Variants in CAMTA1 observed in about 807,000 individuals in gnomAD.
CAMTA1 encodes the protein calmodulin binding transcription activator 1, also known as calmodulin-binding transcription activator 1.
In CAMTA1, 27 loss-of-function variants were observed where a neutral mutation model predicts 170.9. The observed-to-expected ratio is 0.16, with a 90% CI of 0.12 to 0.22. The LOEUF is 0.22. Among genes scored for constraint, CAMTA1 ranks in the 10% least tolerant of loss-of-function variants. The probability of loss-of-function intolerance (pLI) is 1.00; values close to 1 mark genes in which losing one functional copy is unlikely to be tolerated. For synonymous variants in CAMTA1, 833 were observed against 891.5 expected, an observed-to-expected ratio of 0.93 and a Z score of 1.17; for missense variants, 1,619 against 2,217.2, an observed-to-expected ratio of 0.73 and a Z score of 5.42.
At chr1:6,966,226 A>G (rs911470217) in intron 3 of CAMTA1, among the ~76,000 whole-genome samples, 1 of 152,214 alleles carries the variant, frequency 6.6e-6, no homozygotes, top group African/African-American at 2.4e-5. Context: ...CATTTTAAGT[A>G]TTCAATTCCA....
intron 4 of CAMTA1, among the ~76,000 whole-genome samples, chr1:7,109,721 G>A (rs532085154): frequency 2.2e-4 from 34 of 152,306 alleles, no homozygotes; most frequent in African/African-American, 7.7e-4. Context: ...AGTAAAAACG[G>A]GCAGATGAAT....
intron 5 of CAMTA1, among the ~76,000 whole-genome samples, chr1:7,375,081 G>A (rs1366148589): frequency 6.6e-6 from 1 of 152,160 alleles, no homozygotes; most frequent in East Asian, 1.9e-4. Flanking sequence ...ATGAAACACT[G>A]TTTCGTTTCT....
chr1:7,595,442 C>A (rs1319647101), intron 6 of CAMTA1, among the ~76,000 whole-genome samples: 1 of 152,190 alleles, frequency 6.6e-6, no homozygotes, highest in Non-Finnish European at 1.5e-5. Flanking sequence ...AATGTATAAA[C>A]TTAGTGCCTT....
intron 4 of CAMTA1, among the ~76,000 whole-genome samples, chr1:7,145,230 G>C (rs1245450883): frequency 6.6e-6 from 1 of 152,216 alleles, no homozygotes; most frequent in Non-Finnish European, 1.5e-5. Flanking sequence ...CCGGGAGGGA[G>C]AGCATCTTTC....
intron 6 of CAMTA1, among the ~76,000 whole-genome samples, chr1:7,564,601 T>C (rs2095012158): frequency 6.6e-6 from 1 of 152,018 alleles, no homozygotes; most frequent in Non-Finnish European, 1.5e-5. Context: ...CTTGTGTGAG[T>C]GTGCATGTTC....
chr1:7,747,651 G>C, intron 18 of CAMTA1, 59 bp from the exon 19 acceptor site: 1 of 1,220,998 alleles, frequency 8.2e-7, no homozygotes, highest in East Asian at 2.5e-5. Flanking sequence ...GTAATAAAAA[G>C]CTGACATTTC....
chr1:7,138,105 C>T (rs1645645943), intron 4 of CAMTA1, among the ~76,000 whole-genome samples: 1 of 152,198 alleles, frequency 6.6e-6, no homozygotes, highest in Non-Finnish European at 1.5e-5. Context: ...CCCACATCAG[C>T]CACCCAAGTA....
intron 3 of CAMTA1, among the ~76,000 whole-genome samples, chr1:7,020,548 G>GC (rs1701195983): frequency 6.6e-6 from 1 of 152,214 alleles, no homozygotes; most frequent in South Asian, 2.1e-4. Flanking sequence ...ATTATGGGAC[G>GC]CAGGACTGTA....
chr1:7,242,095 TAAAACTC>T (rs1018241311), intron 4 of CAMTA1, among the ~76,000 whole-genome samples: 4 of 152,118 alleles, frequency 2.6e-5, no homozygotes, highest in African/African-American at 7.2e-5. Context: ...AAAGAGCTCT[TAAAACTC>T]AAAAAACAAG....
At chr1:7,024,054 GAAAGAAAGAAAC>G (rs1701732775) in intron 3 of CAMTA1, among the ~76,000 whole-genome samples, 4 of 149,562 alleles carry the variant, frequency 2.7e-5, no homozygotes, top group African/African-American at 7.4e-5. Context: ...AAGAAAGAAA[GAAAGAAAGAAAC>G]AAATAGTTAA....
At chr1:6,808,692 G>T (rs942320661) in intron 1 of CAMTA1, among the ~76,000 whole-genome samples, 1 of 152,156 alleles carries the variant, frequency 6.6e-6, no homozygotes, top group African/African-American at 2.4e-5. Flanking sequence ...GGAGGTAAGA[G>T]GCTTGAGTAC....
At position 7,224,988 on chromosome 1, in the gene CAMTA1, G is replaced by T. The variant is rs373695497; in HGVS notation, c.303-24503G>T. 2.6e-5 allele frequency among the ~76,000 whole-genome samples: 4 copies of T among 152,342 alleles called. No individual in the cohort carries two copies. The highest frequency in any genetic ancestry group is 4.1e-4 in the South Asian group (2 of 4,830). On this transcript the variant is annotated intron_variant, in intron 4 of 22. Coordinates refer to ENST00000303635, the MANE Select transcript of CAMTA1 (RefSeq NM_015215.4). The surrounding 1 kb of genome is among the most constrained non-coding windows in gnomAD (Gnocchi z 5.2). ...CTAGTGTCTCCTTGACTGAGATGAGGAGGCTGGAGGAGAGGCTAGGAAGAG... is the reference window on the plus strand; with the variant it reads ...CTAGTGTCTCCTTGACTGAGATGAGTAGGCTGGAGGAGAGGCTAGGAAGAG...
intron 3 of CAMTA1, among the ~76,000 whole-genome samples, chr1:6,845,413 C>T (rs899089518): frequency 5.9e-5 from 9 of 152,148 alleles, no homozygotes; most frequent in Non-Finnish European, 1.3e-4. Context: ...TAAATCTTGT[C>T]CAGATTCAGG....
chr1:7,268,797 C>T (rs1558333773), intron 5 of CAMTA1, among the ~76,000 whole-genome samples: 1 of 152,106 alleles, frequency 6.6e-6, no homozygotes, highest in Non-Finnish European at 1.5e-5. Context: ...AAAATATGAC[C>T]TATATCCAGG....
At chr1:7,257,249 T>A (rs1348499875) in intron 5 of CAMTA1, among the ~76,000 whole-genome samples, 4 of 152,188 alleles carry the variant, frequency 2.6e-5, no homozygotes, top group Admixed American at 2.0e-4. Context: ...CTTATCTGCA[T>A]CATCTCATTC....
Position 7,768,347 on chromosome 1 carries a change from G to A in CAMTA1, c.*1856G>A, listed in dbSNP as rs1228283255. 6.5e-6 allele frequency: 1 copy of A among 152,782 alleles called. No homozygotes were observed. Among genetic ancestry groups the A allele is most frequent in the Non-Finnish European group, 1.5e-5 (1 of 68,048 alleles). The allele number at this position is 152,782 out of a possible 1,614,324, so 9.5% of individuals were successfully genotyped here. On this transcript the variant is annotated 3_prime_UTR_variant, in exon 23 of 23. Coordinates refer to ENST00000303635, the MANE Select transcript of CAMTA1 (RefSeq NM_015215.4). ...TTAAACTGCTAATGTTAAATTGAGA[G>A]AATAAAGTTCGTATTTGCTGATGCC...
At chr1:7,521,820 T>C (rs899065487) in intron 6 of CAMTA1, among the ~76,000 whole-genome samples, 5 of 152,240 alleles carry the variant, frequency 3.3e-5, no homozygotes, top group African/African-American at 1.2e-4. Flanking sequence ...GTGCTGGGAT[T>C]ACAGGCGTGA....
rs74053185 is a variant in CAMTA1, at chr1:7,672,223, G to C, written c.2779+1186G>C. On this transcript the variant is annotated intron_variant, in intron 10 of 22. Transcript: ENST00000303635. The stretch of plus-strand genomic sequence containing the variant: ...GACTGGGGGTGAGGAGGAAAGGTAC[G>C]GGGTGGGAGTACAGAGCTGGCCAGT... The C allele has an allele frequency of 4.0e-3, 1,524 of 378,440 alleles. 22 individuals are homozygous for C. Among genetic ancestry groups the C allele is most frequent in the African/African-American group, 0.029 (1,392 of 47,684 alleles). The allele number at this position is 378,440 out of a possible 1,614,324, so 23.4% of individuals were successfully genotyped here.
intron 3 of CAMTA1, 125 bp downstream of exon 3, chr1:6,825,335 ATTAT>A (rs1160825214): frequency 1.8e-6 from 1 of 568,418 alleles, no homozygotes; most frequent in East Asian, 2.9e-5. Context: ...TGTAAATGAC[ATTAT>A]TTAATCTGGA....
Sources: allele counts gnomAD v4.1 joint callset (sites outside exome capture counted in the v4.1 genomes callset), GRCh38; gene constraint gnomAD v4.1.1; non-coding constraint Gnocchi (gnomAD v3.1); transcripts MANE v1.5; gene names NCBI Gene and HGNC (gene_info 2026-07-23, HGNC 2026-07-21).